TDRD9: variants seen among roughly 807,000 people sequenced by gnomAD.
The protein encoded by TDRD9 is tudor domain containing 9, also known as ATP-dependent RNA helicase TDRD9.
TDRD9 carries 124 observed loss-of-function variants against 172.6 expected under a neutral mutation model. The ratio of observed to expected loss-of-function variants is 0.72; its 90% CI spans 0.62 to 0.83. TDRD9 has a LOEUF of 0.83. Among genes scored for constraint, TDRD9 ranks in the 40% least tolerant of loss-of-function variants. The probability of loss-of-function intolerance (pLI) is 0.00; values close to 1 mark genes in which losing one functional copy is unlikely to be tolerated. For missense variants in TDRD9, 1,479 were observed against 1,714.1 expected, an observed-to-expected ratio of 0.86 and a Z score of 2.42; for synonymous variants, 619 against 617.1, an observed-to-expected ratio of 1.00 and a Z score of -0.05.
chr14:103,998,035 C>T (rs1355938800), intron 12 of TDRD9, among the ~76,000 whole-genome samples: 1 of 151,990 alleles, frequency 6.6e-6, no homozygotes, highest in African/African-American at 2.4e-5. Context: ...TGGGAGATCC[C>T]CAGTGCTTTG....
intron 1 of TDRD9, among the ~76,000 whole-genome samples, chr14:103,935,741 G>A (rs1226850230): frequency 1.3e-5 from 2 of 151,710 alleles, no homozygotes; most frequent in East Asian, 1.9e-4. Flanking sequence ...GAGAACAAGT[G>A]GTCAGAGGGA....
chr14:103,941,417 T>A, intron 1 of TDRD9: 1 of 1,534,950 alleles, frequency 6.5e-7, no homozygotes, highest in South Asian at 1.2e-5. Context: ...TAGTTCCAGT[T>A]TGGCAAGGTT....
chr14:103,941,338 T>C, intron 1 of TDRD9: 1 of 1,263,990 alleles, frequency 7.9e-7, no homozygotes, highest in Non-Finnish European at 1.1e-6. Flanking sequence ...CTAGTCAAAA[T>C]ATATGAGGAA....
At chr14:103,995,562 G>A (rs147215481) in intron 11 of TDRD9, among the ~76,000 whole-genome samples, 188 bp from the exon 12 acceptor site, 6 of 152,304 alleles carry the variant, frequency 3.9e-5, no homozygotes, top group African/African-American at 1.4e-4. Flanking sequence ...TATGTGGCTG[G>A]TTTCCATTCA....
At chr14:103,986,160 A>G in intron 7 of TDRD9, 57 bp from the exon 8 acceptor site, 2 of 1,292,458 alleles carry the variant, frequency 1.5e-6, no homozygotes, top group Non-Finnish European at 2.2e-6. Context: ...ATCCAACGCC[A>G]GGTTTCTTCT....
intron 23 of TDRD9, among the ~76,000 whole-genome samples, chr14:104,018,646 A>G (rs955068494): frequency 5.4e-4 from 82 of 152,336 alleles, no homozygotes; most frequent in Middle Eastern, 3.4e-3. Context: ...TAAAAACTCA[A>G]TTTGGCTCTA....
chr14:103,968,789 CT>C (rs2032876054), intron 5 of TDRD9, among the ~76,000 whole-genome samples: 1 of 850 alleles, frequency 1.2e-3, no homozygotes, highest in Non-Finnish European at 0.016. Context: ...GAGTGAGACT[CT>C]GTCTCAAAAA....
rs1241743712 is a variant in TDRD9 at position 104,052,046 on chromosome 14, C to T, written c.4113C>T (p.Leu1371=). ...RESSRGKNTF[L]YQLHKLVVLG... ...GCAGCAGAGGGAAGAACACCTTTCT[C>T]TACCAGCTCCACAAACTGGTTGTGC... is the stretch of plus-strand genomic sequence containing the variant. Residue 1371 remains leucine, a synonymous_variant, in exon 36 of 36, where the codon CTC becomes CTT. Coordinates refer to ENST00000409874, the MANE Select transcript of TDRD9 (RefSeq NM_153046.3). 6.3e-7 allele frequency: 1 copy of T among 1,589,020 alleles called. No homozygotes were observed. Among genetic ancestry groups the T allele is most frequent in the Non-Finnish European group, 8.6e-7 (1 of 1,167,328 alleles).
intron 32 of TDRD9, among the ~76,000 whole-genome samples, chr14:104,035,360 A>G (rs543089740): frequency 6.6e-6 from 1 of 152,368 alleles, no homozygotes; most frequent in African/African-American, 2.4e-5. Flanking sequence ...ATGGTGATGG[A>G]CATCCCATTG....
intron 28 of TDRD9, among the ~76,000 whole-genome samples, chr14:104,029,389 A>T (rs1338355436): frequency 6.6e-6 from 1 of 152,074 alleles, no homozygotes; most frequent in African/African-American, 2.4e-5. Context: ...TATAGAGATC[A>T]TTCACCTCCT....
At chr14:103,940,615 A>G (rs1595894757) in intron 1 of TDRD9, 1 of 463,894 alleles carries the variant, frequency 2.2e-6, no homozygotes, top group African/African-American at 2.0e-5. Context: ...CATTTTAGTT[A>G]AAAGCATACT....
At chr14:104,032,215 C>CTT in intron 30 of TDRD9, 128 bp downstream of exon 30, 6 of 446,218 alleles carry the variant, frequency 1.3e-5, no homozygotes, top group African/African-American at 5.2e-5. Context: ...CTTTTCTTTT[C>CTT]TTTTTTTTTG....
intron 5 of TDRD9, among the ~76,000 whole-genome samples, chr14:103,969,968 C>G (rs899167510): frequency 6.6e-6 from 1 of 152,174 alleles, no homozygotes; most frequent in Non-Finnish European, 1.5e-5. Flanking sequence ...TAACCTTGCT[C>G]TGGTTTACCT....
At chr14:103,992,708 G>T (rs369359777) in intron 9 of TDRD9, among the ~76,000 whole-genome samples, 1 of 152,114 alleles carries the variant, frequency 6.6e-6, no homozygotes, top group African/African-American at 2.4e-5. Flanking sequence ...TGGATCACGA[G>T]GTCAGGAGAT....
In TDRD9 at chr14:104,002,732, C is replaced by CT. The variant is rs200744019; in HGVS notation, c.1484-1494dup. On this transcript the variant is annotated intron_variant, in intron 13 of 35. Coordinates refer to ENST00000409874, the MANE Select transcript of TDRD9 (RefSeq NM_153046.3). Reference sequence around the variant, plus strand: ...AGGCTAACCTTTTTTCTTTTCTTTTCTTTTTTTTTTTTCTTTTTGAGACAG... The same window carrying CT: ...AGGCTAACCTTTTTTCTTTTCTTTTCTTTTTTTTTTTTTCTTTTTGAGACAG... 2.4e-3 allele frequency among the ~76,000 whole-genome samples: 357 copies of CT among 146,784 alleles called. 1 individual carries two copies. Among genetic ancestry groups the CT allele is most frequent in the Admixed American group, 3.3e-3 (48 of 14,766 alleles).
chr14:103,970,446 T>G, intron 5 of TDRD9, 95 bp from the exon 6 acceptor site: 1 of 839,328 alleles, frequency 1.2e-6, no homozygotes. Context: ...AGAGAACTGG[T>G]TTAGTCCCCA....
chr14:104,034,413 A>G (rs1028665471), intron 31 of TDRD9, among the ~76,000 whole-genome samples: 2 of 152,002 alleles, frequency 1.3e-5, no homozygotes, highest in Non-Finnish European at 2.9e-5. Context: ...GATAGTCTTG[A>G]TCTCCTGACC....
intron 2 of TDRD9, among the ~76,000 whole-genome samples, chr14:103,959,493 CACACACACACACACAG>C (rs1595916761): frequency 4.5e-5 from 2 of 44,620 alleles, no homozygotes; most frequent in South Asian, 6.1e-4. Flanking sequence ...TGTATACATA[CACACACACACACACAG>C]ACACAAAGCT....
At chr14:104,009,980 C>G (rs2034562761) in intron 20 of TDRD9, among the ~76,000 whole-genome samples, 1 of 150,818 alleles carries the variant, frequency 6.6e-6, no homozygotes, top group African/African-American at 2.4e-5. Flanking sequence ...GAGTCTTGCC[C>G]TGTCACCCAG....
Sources: allele counts gnomAD v4.1 joint callset (sites outside exome capture counted in the v4.1 genomes callset), GRCh38; gene constraint gnomAD v4.1.1; transcripts MANE v1.5; gene names NCBI Gene and HGNC (gene_info 2026-07-23, HGNC 2026-07-21).